Variants in ZMYM5 observed in about 807,000 individuals in gnomAD.
The protein encoded by ZMYM5 is zinc finger MYM-type protein 5.
Under a neutral mutation model 61.8 loss-of-function variants are expected in ZMYM5, and 41 were observed. The observed-to-expected ratio is 0.66, with a 90% confidence interval of 0.52 to 0.86. The LOEUF (loss-of-function observed/expected upper bound fraction) is 0.86, where lower values mean the gene tolerates loss of function less well. ZMYM5 is among the 40% of genes least tolerant of loss of function. ZMYM5 has a pLI of 0.00. For synonymous variants in ZMYM5, 257 were observed against 276.4 expected (o/e 0.93, Z 0.70); for missense variants, 706 against 786.7 (o/e 0.90, Z 1.23).
intron 2 of ZMYM5, among the ~76,000 whole-genome samples, chr13:19,854,583 G>T (rs1351198687): frequency 6.9e-6 from 1 of 145,312 alleles, no homozygotes; most frequent in Admixed American, 7.1e-5. Flanking sequence ...AGCTGAGATT[G>T]TGCCACTGCA....
chr13:19,840,921 C>T lies in ZMYM5; in HGVS notation c.587-1936G>A, dbSNP rs370528640. Among the ~76,000 whole-genome samples the T allele has an allele frequency of 6.8e-4, 104 of 152,146 alleles. No homozygotes were observed. In the South Asian group the frequency reaches 0.018, roughly 26 times the overall value. On this transcript the variant is annotated intron_variant, in intron 4 of 7. Transcript: ENST00000337963. ...CTTGATCTCCTGACCTCATGATCCA[C>T]CCGCCTTGGCCCCCCAAAGTGCTGG...
rs144969170 is a variant in ZMYM5, at chr13:19,833,896, T to C, written c.1251+1581A>G. Among the ~76,000 whole-genome samples, 74 of 152,286 alleles carry C rather than the reference T, an allele frequency of 4.9e-4. No homozygotes were observed. The East Asian group carries it at 0.013, about 26-fold the overall frequency. On this transcript the variant is annotated intron_variant, in intron 7 of 7. Transcript: ENST00000337963. ...GGCTCATGCCTATAATCCCAGTACT[T>C]TGGGAAGCTGAGGTGGGAGTACTGC... is the stretch of plus-strand genomic sequence containing the variant.
intron 4 of ZMYM5, among the ~76,000 whole-genome samples, chr13:19,844,028 T>C (rs1174911144): frequency 1.4e-5 from 2 of 147,718 alleles, no homozygotes; most frequent in Admixed American, 6.7e-5. Context: ...GTCCCAGCTA[T>C]TCGGGAGGCT....
In ZMYM5 at chr13:19,824,727, G is replaced by C. The variant is rs1204963923; in HGVS notation, c.1760C>G (p.Ser587Cys). Reference protein sequence around the residue: ...SWLLYSTSKDSVFCLYCKLFG... With the variant: ...SWLLYSTSKDCVFCLYCKLFG... ...GAGTTTGCAATATAGACAAAACACA[G>C]AATCTTTTGAGGTTGAATAAAGTAA... Residue 587 changes from serine to cysteine, a missense_variant, in exon 8 of 8, where the codon TCT becomes TGT. Ser to Cys is a moderately radical substitution (Grantham distance 112). Coordinates refer to ENST00000337963, the MANE Select transcript of ZMYM5 (RefSeq NM_001142684.2). 2.2e-6 allele frequency: 3 copies of C among 1,359,308 alleles called. No homozygotes were observed. The highest frequency in any genetic ancestry group is 2.9e-6 in the Non-Finnish European group (3 of 1,018,540). 84.2% of individuals were successfully genotyped at this position (1,359,308 alleles called of 1,614,324 possible).
intron 4 of ZMYM5, among the ~76,000 whole-genome samples, chr13:19,851,026 T>C (rs1461184448): frequency 6.6e-6 from 1 of 152,098 alleles, no homozygotes; most frequent in Non-Finnish European, 1.5e-5. Context: ...TTGGTCAACA[T>C]GGTGAAACCC....
At chr13:19,832,556 A>T (rs549842276) in intron 7 of ZMYM5, among the ~76,000 whole-genome samples, 84 of 152,216 alleles carry the variant, frequency 5.5e-4, no homozygotes, top group African/African-American at 2.0e-3. Flanking sequence ...CGAACTCCTG[A>T]ACTCAAGTGA....
At chr13:19,831,364 A>G (rs1891205689) in intron 7 of ZMYM5, among the ~76,000 whole-genome samples, 1 of 151,722 alleles carries the variant, frequency 6.6e-6, no homozygotes, top group South Asian at 2.1e-4. Flanking sequence ...GGCTCAAGCA[A>G]TCCTCTTGCC....
rs1890806902 is a variant in ZMYM5 at position 19,824,438 on chromosome 13, A to T, written c.*39T>A. Reference sequence around the variant, plus strand: ...AGGACAGATGTTTTCTGAGTAATGTAAGATTCTGATCATCATGCCAAAAAA... The same window carrying T: ...AGGACAGATGTTTTCTGAGTAATGTTAGATTCTGATCATCATGCCAAAAAA... On this transcript the variant is annotated 3_prime_UTR_variant, in exon 8 of 8. Transcript: ENST00000337963. The T allele has an allele frequency of 7.9e-7, 1 of 1,265,602 alleles. No individual in the cohort carries two copies. Among genetic ancestry groups the T allele is most frequent in the South Asian group, 1.5e-5 (1 of 66,994 alleles). The allele number at this position is 1,265,602 out of a possible 1,614,324, so 78.4% of individuals were successfully genotyped here.
At chr13:19,830,601 T>G (rs1355883597) in intron 7 of ZMYM5, among the ~76,000 whole-genome samples, 4 of 151,468 alleles carry the variant, frequency 2.6e-5, no homozygotes, top group Admixed American at 6.6e-5. Flanking sequence ...TGGCACCATC[T>G]TGGCTCACTG....
intron 6 of ZMYM5, 126 bp downstream of exon 6, chr13:19,837,530 C>T (rs746397007): frequency 6.2e-7 from 1 of 1,603,598 alleles, no homozygotes; most frequent in Non-Finnish European, 8.5e-7. Flanking sequence ...CCTTATTCTT[C>T]CTTTCAGCTT....
chr13:19,838,761 T>C lies in ZMYM5; in HGVS notation c.811A>G (p.Thr271Ala). The change falls in exon 5 of 8, where the codon ACC (threonine) becomes GCC (alanine). Residue 271 changes from threonine (T) to alanine (A), a missense_variant. This residue lies in a region of ZMYM5 where 480 missense variants were observed against 461.7 expected (regional missense o/e 1.04). Coordinates refer to ENST00000337963, the MANE Select transcript of ZMYM5 (RefSeq NM_001142684.2). ...KGSAHLFCSTTCLSSFSHKRT... is the reference protein window; with the variant it reads ...KGSAHLFCSTACLSSFSHKRT... ...TTATGAGAGAAGGAAGAAAGGCAGG[T>C]GGTAGAGCAAAAGAGGTGAGCTGAT... 1 of 1,614,148 alleles carries C rather than the reference T, an allele frequency of 6.2e-7. No homozygotes were observed. The highest frequency in any genetic ancestry group is 8.5e-7 in the Non-Finnish European group (1 of 1,180,038).
chr13:19,826,755 G>C (rs1426606983), intron 7 of ZMYM5, among the ~76,000 whole-genome samples: 1 of 132,718 alleles, frequency 7.5e-6, no homozygotes. Context: ...ACTCCGTCTC[G>C]TTAAAAAAAA....
At chr13:19,831,787 CA>C (rs1190448216) in intron 7 of ZMYM5, among the ~76,000 whole-genome samples, 1,038 of 36,606 alleles carry the variant, frequency 0.028, no homozygotes, top group Middle Eastern at 0.056. Flanking sequence ...GACTCTGTCT[CA>C]AAAAAAAAAA....
intron 2 of ZMYM5, among the ~76,000 whole-genome samples, chr13:19,859,710 A>C (rs1157516356): frequency 6.6e-6 from 1 of 151,832 alleles, no homozygotes; most frequent in East Asian, 1.9e-4. Context: ...CCCGGCCTTT[A>C]GTTCCCAATT....
Position 19,824,742 on chromosome 13 carries a change from G to C in ZMYM5, c.1745C>G (p.Ser582Ter). 1.5e-6 allele frequency: 2 copies of C among 1,360,596 alleles called. No homozygotes were observed. The highest frequency in any genetic ancestry group is 1.5e-5 in the African/African-American group (1 of 67,728). 84.3% of individuals were successfully genotyped at this position (1,360,596 alleles called of 1,614,324 possible). A position where few individuals can be genotyped will look rare whatever the true frequency, so the allele number is the denominator to read the frequency against. ...ACAAAACACAGAATCTTTTGAGGTT[G>C]AATAAAGTAACCAGGATCTAGTGGT... The part of the protein sequence containing the change: ...EKTTRSWLLY[S>*]TSKDSVFCLY... The change falls in exon 8 of 8, where the codon TCA (serine) becomes TGA (stop). Residue 582 changes from serine (S) to a stop codon, truncating the protein, a stop_gained. Coordinates refer to ENST00000337963, the MANE Select transcript of ZMYM5 (RefSeq NM_001142684.2). LOFTEE classifies it high-confidence loss of function.
intron 7 of ZMYM5, among the ~76,000 whole-genome samples, chr13:19,826,093 T>C (rs1593837454): frequency 6.8e-6 from 1 of 147,048 alleles, no homozygotes; most frequent in African/African-American, 2.5e-5. Context: ...GGCAAAGATG[T>C]GGAGAAACTG....
At position 19,861,524 on chromosome 13, in the gene ZMYM5, G is replaced by C. The variant is rs369368733; in HGVS notation, c.-11+875C>G. ...TAAAGAGATATGCTGTGAAATGTAA[G>C]AAAATAAGAGCAAATAAGTTAGTAG... On this transcript the variant is annotated intron_variant, in intron 2 of 7. Coordinates refer to ENST00000337963, the MANE Select transcript of ZMYM5 (RefSeq NM_001142684.2). Among the ~76,000 whole-genome samples the C allele has an allele frequency of 2.1e-4, 32 of 152,240 alleles. No homozygotes were observed. The East Asian group carries it at 3.5e-3, about 17-fold the overall frequency.
intron 2 of ZMYM5, among the ~76,000 whole-genome samples, chr13:19,853,845 G>A (rs901936193): frequency 1.3e-5 from 2 of 151,752 alleles, no homozygotes; most frequent in African/African-American, 4.8e-5. Context: ...GCCTCCCAAA[G>A]TGTTGGGATT....
chr13:19,851,622 C>A (rs1279660207), intron 3 of ZMYM5, 67 bp downstream of exon 3: 3 of 1,547,904 alleles, frequency 1.9e-6, no homozygotes, highest in African/African-American at 1.4e-5. Context: ...AAGGTTGTAA[C>A]ATTAGTAATA....
Sources: allele counts gnomAD v4.1 joint callset (sites outside exome capture counted in the v4.1 genomes callset), GRCh38; gene constraint gnomAD v4.1.1; regional missense constraint gnomAD v4.1.1; transcripts MANE v1.5; gene names NCBI Gene and HGNC (gene_info 2026-07-23, HGNC 2026-07-21).